The following DPYD variants were observed in gnomAD, a reference collection of about 807,000 sequenced individuals.
DPYD encodes the protein dihydropyrimidine dehydrogenase [NADP(+)].
In DPYD, 109 loss-of-function variants were observed where a neutral mutation model predicts 116.2. The ratio of observed to expected loss-of-function variants is 0.94; its 90% CI spans 0.80 to 1.10. The LOEUF is 1.10. DPYD is among the 50% of genes least tolerant of loss of function. The probability of loss-of-function intolerance (pLI) is 0.00; values close to 1 mark genes in which losing one functional copy is unlikely to be tolerated. For missense variants in DPYD, 1,302 were observed against 1,254.5 expected, an observed-to-expected ratio of 1.04 and a Z score of -0.57; for synonymous variants, 440 against 432.0, an observed-to-expected ratio of 1.02 and a Z score of -0.23.
intron 3 of DPYD, among the ~76,000 whole-genome samples, chr1:97,780,073 G>A (rs1202893391): frequency 1.3e-5 from 2 of 152,164 alleles, no homozygotes; most frequent in Admixed American, 6.5e-5. Flanking sequence ...TACATTTAAT[G>A]CAGTTGTGTT....
At position 97,305,335 on chromosome 1, in the gene DPYD, C is replaced by G. The variant is rs1397691452; in HGVS notation, c.2223G>C (p.Leu741=). 3.7e-6 allele frequency: 6 copies of G among 1,612,376 alleles called. No individual in the cohort carries two copies. The highest frequency in any genetic ancestry group is 5.1e-6 in the Non-Finnish European group (6 of 1,178,954). ...GTGTGCCATCAGATTTTAATCCCAT[C>G]AGACCTGAGACAGTGTTGGTGGCTG... ...GVTATNTVSG[L]MGLKSDGTPW... The change falls in exon 18 of 23, where the codon CTG becomes CTC. Residue 741 remains leucine, a synonymous_variant. Coordinates refer to ENST00000370192, the MANE Select transcript of DPYD (RefSeq NM_000110.4).
At position 97,484,550 on chromosome 1, in the gene DPYD, T is replaced by C. The variant is rs192427708; in HGVS notation, c.1740+31176A>G. On this transcript the variant is annotated intron_variant, in intron 13 of 22. Transcript: ENST00000370192. ...ACCATGTTCTTCATTTCTGGGGACA[T>C]CTTCTCATTTTATATTGTTGGAAAT... is the stretch of plus-strand genomic sequence containing the variant. Among the ~76,000 whole-genome samples the C allele has an allele frequency of 8.5e-5, 13 of 152,258 alleles. No individual in the cohort carries two copies. In the East Asian group the frequency reaches 2.5e-3, roughly 29 times the overall value.
chr1:97,903,196 C>T (rs772918902), intron 1 of DPYD, among the ~76,000 whole-genome samples: 5 of 151,738 alleles, frequency 3.3e-5, no homozygotes, highest in Non-Finnish European at 5.9e-5. Flanking sequence ...TTATTTACTA[C>T]GAAGCAAAAT....
chr1:97,813,950 A>ACG, intron 3 of DPYD, among the ~76,000 whole-genome samples: 1 of 150,124 alleles, frequency 6.7e-6, no homozygotes, highest in South Asian at 2.1e-4. Flanking sequence ...ACACACACAC[A>ACG]CACACCCCTA....
intron 3 of DPYD, among the ~76,000 whole-genome samples, chr1:97,823,415 T>TAA (rs1669065488): frequency 6.6e-6 from 1 of 152,118 alleles, no homozygotes; most frequent in Non-Finnish European, 1.5e-5. Flanking sequence ...TCACGTTATT[T>TAA]TAAAGTATAC....
chr1:97,314,361 A>C (rs1255638661), intron 16 of DPYD, among the ~76,000 whole-genome samples: 1 of 151,872 alleles, frequency 6.6e-6, no homozygotes, highest in Non-Finnish European at 1.5e-5. Flanking sequence ...TGTTCCTTTA[A>C]ATATCATTTC....
At chr1:97,302,454 A>G (rs1423552103) in intron 18 of DPYD, among the ~76,000 whole-genome samples, 1 of 151,954 alleles carries the variant, frequency 6.6e-6, no homozygotes, top group East Asian at 1.9e-4. Context: ...TGTTTCATAT[A>G]TTTAAGCACC....
rs766781232 is a variant in DPYD, at chr1:97,903,335, G to A, written c.39+17549C>T. On this transcript the variant is annotated intron_variant, in intron 1 of 22. Transcript: ENST00000370192. The stretch of plus-strand genomic sequence containing the variant: ...TATTTATTTTTAAAAGTTTTAATCC[G>A]AATGAATGATAACCCCCTAAAATGC... 4.6e-5 allele frequency among the ~76,000 whole-genome samples: 7 copies of A among 151,796 alleles called. No individual in the cohort carries two copies. The South Asian group carries it at 6.2e-4, about 14-fold the overall frequency.
chr1:97,493,040 CT>C (rs1231748577), intron 13 of DPYD, among the ~76,000 whole-genome samples: 1 of 152,166 alleles, frequency 6.6e-6, no homozygotes, highest in East Asian at 1.9e-4. Flanking sequence ...GGTTTGATCT[CT>C]TTCTCCCTCA....
At chr1:97,778,315 C>G (rs150095912) in intron 3 of DPYD, among the ~76,000 whole-genome samples, 1 of 151,476 alleles carries the variant, frequency 6.6e-6, no homozygotes, top group Admixed American at 6.6e-5. Context: ...AGAAAGCATA[C>G]CCATAAACAT....
intron 20 of DPYD, among the ~76,000 whole-genome samples, chr1:97,103,667 G>A (rs1288739973): frequency 5.3e-5 from 8 of 152,064 alleles, no homozygotes; most frequent in Admixed American, 4.6e-4. Context: ...ATAGTGATGA[G>A]GGAAATAATT....
At chr1:97,851,429 G>C (rs943066281) in intron 2 of DPYD, among the ~76,000 whole-genome samples, 37 of 151,692 alleles carry the variant, frequency 2.4e-4, no homozygotes, top group Admixed American at 6.6e-5. Context: ...AAATCTCCTA[G>C]ATGCACATAG....
intron 2 of DPYD, among the ~76,000 whole-genome samples, chr1:97,881,784 A>T (rs992362213): frequency 6.6e-6 from 1 of 151,916 alleles, no homozygotes; most frequent in African/African-American, 2.4e-5. Flanking sequence ...CAGACCTTTA[A>T]AAATTAGAGA....
At chr1:97,251,475 A>G (rs1663096102) in intron 18 of DPYD, among the ~76,000 whole-genome samples, 1 of 152,042 alleles carries the variant, frequency 6.6e-6, no homozygotes, top group African/African-American at 2.4e-5. Flanking sequence ...ATGGGACTGA[A>G]GATCATCATC....
chr1:97,615,723 T>G (rs1308920071), intron 8 of DPYD, among the ~76,000 whole-genome samples: 1 of 152,124 alleles, frequency 6.6e-6, no homozygotes, highest in Non-Finnish European at 1.5e-5. Flanking sequence ...TTTTCTAAAA[T>G]GAAAAATTCG....
In DPYD at chr1:97,285,691, T is replaced by C. The variant is rs539264665; in HGVS notation, c.2299+19568A>G. 2.6e-5 allele frequency among the ~76,000 whole-genome samples: 4 copies of C among 151,426 alleles called. No individual in the cohort carries two copies. The South Asian group carries it at 8.3e-4, about 32-fold the overall frequency. ...TTTTTATTGTTCCTTTAATTTTTTT[T>C]TTTTTTTTTTGAGACAGGGTCTCTT... is the stretch of plus-strand genomic sequence containing the variant. On this transcript the variant is annotated intron_variant, in intron 18 of 22. Coordinates refer to ENST00000370192, the MANE Select transcript of DPYD (RefSeq NM_000110.4).
chr1:97,295,855 G>T, intron 18 of DPYD: 2 of 638,256 alleles, frequency 3.1e-6, no homozygotes, highest in Non-Finnish European at 3.9e-6. Context: ...ATATGTTAGT[G>T]GTTTTCTCAC....
chr1:97,828,673 T>C (rs2101482381), intron 2 of DPYD, among the ~76,000 whole-genome samples: 1 of 127,744 alleles, frequency 7.8e-6, no homozygotes, highest in South Asian at 2.9e-4. Context: ...ACAGATATAA[T>C]AATAAAAGTT....
At chr1:97,467,078 C>A (rs749700202) in intron 13 of DPYD, among the ~76,000 whole-genome samples, 3 of 152,136 alleles carry the variant, frequency 2.0e-5, no homozygotes, top group Non-Finnish European at 4.4e-5. Context: ...TAGCTTAAAA[C>A]AATAGCCAAG....
Sources: gnomAD v4.1 joint callset for allele counts (sites outside exome capture counted in the v4.1 genomes callset) on GRCh38, gnomAD v4.1.1 for gene constraint, MANE v1.5 for transcripts, NCBI Gene and HGNC (gene_info 2026-07-23, HGNC 2026-07-21) for gene names.